Variants in SUPT3H observed in about 807,000 individuals in gnomAD.
SUPT3H encodes SPT3 homolog, SAGA and STAGA complex component, also known as transcription initiation protein SPT3 homolog.
A neutral mutation model predicts 44.3 loss-of-function variants in SUPT3H; 44 were observed. The observed-to-expected ratio is 0.99, with a 90% CI of 0.78 to 1.28. The LOEUF (loss-of-function observed/expected upper bound fraction) is 1.28, where lower values mean the gene tolerates loss of function less well. Among genes scored for constraint, SUPT3H ranks in the 50% most tolerant of loss-of-function variants. The pLI, the probability that SUPT3H is intolerant of heterozygous loss-of-function variation, is 0.00. For missense variants in SUPT3H, 380 were observed against 387.1 expected, an observed-to-expected ratio of 0.98 and a Z score of 0.15; for synonymous variants, 124 against 125.6, an observed-to-expected ratio of 0.99 and a Z score of 0.09.
chr6:44,881,423 CCA>C (rs1156863308), intron 10 of SUPT3H, among the ~76,000 whole-genome samples: 1 of 152,022 alleles, frequency 6.6e-6, no homozygotes, highest in African/African-American at 2.4e-5. Flanking sequence ...ACTTAGACTC[CCA>C]CACAATAATA....
intron 9 of SUPT3H, among the ~76,000 whole-genome samples, chr6:44,951,880 C>T (rs977439668): frequency 1.3e-5 from 2 of 152,162 alleles, no homozygotes; most frequent in African/African-American, 4.8e-5. Flanking sequence ...GGAAAGCATA[C>T]TTATACACAT....
At chr6:44,977,469 A>T (rs1041333) in intron 6 of SUPT3H, among the ~76,000 whole-genome samples, 63,312 of 151,970 alleles carry the variant, frequency 0.42, 13,565 homozygotes, top group East Asian at 0.7. Flanking sequence ...TTTAAAAAAA[A>T]TTTTTGAACT....
chr6:44,992,981 T>C (rs1030189334), intron 6 of SUPT3H, among the ~76,000 whole-genome samples: 2 of 152,000 alleles, frequency 1.3e-5, no homozygotes, highest in African/African-American at 4.8e-5. Context: ...CTGGACAACA[T>C]AGTAAGACCC....
intron 2 of SUPT3H, among the ~76,000 whole-genome samples, chr6:45,349,442 T>G (rs1357970830): frequency 6.6e-6 from 1 of 152,214 alleles, no homozygotes; most frequent in African/African-American, 2.4e-5. Context: ...AGCACTAGTT[T>G]TCCAAGTATG....
At chr6:45,136,909 G>C (rs1804377829) in intron 2 of SUPT3H, among the ~76,000 whole-genome samples, 1 of 151,870 alleles carries the variant, frequency 6.6e-6, no homozygotes, top group East Asian at 1.9e-4. Context: ...CAAATGTAAT[G>C]AAAAACATTA....
intron 3 of SUPT3H, among the ~76,000 whole-genome samples, chr6:45,033,086 A>G (rs903635950): frequency 2.0e-5 from 3 of 152,120 alleles, no homozygotes; most frequent in Non-Finnish European, 4.4e-5. Context: ...CAAAAAAGCA[A>G]ATATAAGAGT....
At chr6:44,817,216 C>A in intron 11 of SUPT3H, among the ~76,000 whole-genome samples, 1 of 148,044 alleles carries the variant, frequency 6.8e-6, no homozygotes. Flanking sequence ...AATCAATCAA[C>A]GTAATCTATC....
chr6:45,087,136 A>G lies in SUPT3H; in HGVS notation c.186+18786T>C, dbSNP rs57175237. On this transcript the variant is annotated intron_variant, in intron 3 of 10. Transcript: ENST00000371459. ...GCATAGCAAATTTTTACTTTTAAGA[A>G]TATATATTTTGAAGAAAATTCTACT... Among the ~76,000 whole-genome samples the G allele has an allele frequency of 7.4e-3, 1,129 of 152,070 alleles. 20 individuals are homozygous for G. Among genetic ancestry groups the G allele is most frequent in the African/African-American group, 0.025 (1,030 of 41,554 alleles).
intron 2 of SUPT3H, among the ~76,000 whole-genome samples, chr6:45,311,445 T>C (rs766761689): frequency 2.0e-5 from 3 of 151,956 alleles, no homozygotes; most frequent in Non-Finnish European, 4.4e-5. Flanking sequence ...GACATCCAAA[T>C]ACAAGAAGCA....
At chr6:45,310,277 C>A (rs113051892) in intron 2 of SUPT3H, among the ~76,000 whole-genome samples, 1 of 152,116 alleles carries the variant, frequency 6.6e-6, no homozygotes, top group Non-Finnish European at 1.5e-5. Context: ...CACAGCAAGA[C>A]GGCCCAAGTA....
intron 2 of SUPT3H, among the ~76,000 whole-genome samples, chr6:45,158,298 A>ATATAATTTTTTT: frequency 2.0e-5 from 2 of 99,694 alleles, no homozygotes; most frequent in Non-Finnish European, 3.5e-5. Context: ...ATATATATAT[A>ATATAATTTTTTT]TTTTTTTTTT....
At chr6:45,074,849 TACAC>T (rs1272177949) in intron 3 of SUPT3H, among the ~76,000 whole-genome samples, 1 of 152,118 alleles carries the variant, frequency 6.6e-6, no homozygotes, top group Non-Finnish European at 1.5e-5. Flanking sequence ...ATATTATACA[TACAC>T]ACATAGATAC....
chr6:45,055,566 T>C (rs1790981800), intron 3 of SUPT3H, among the ~76,000 whole-genome samples: 2 of 151,888 alleles, frequency 1.3e-5, no homozygotes, highest in East Asian at 3.9e-4. Flanking sequence ...AAACATAAAG[T>C]GGGGAAAGGA....
At chr6:45,000,741 C>T (rs1386913872) in intron 6 of SUPT3H, among the ~76,000 whole-genome samples, 1 of 151,986 alleles carries the variant, frequency 6.6e-6, no homozygotes, top group Non-Finnish European at 1.5e-5. Context: ...CACTATTAAG[C>T]CTCTGATATG....
In SUPT3H at chr6:44,881,223, A is replaced by C. The variant is rs1778167610; in HGVS notation, c.913-51366T>G. ...TTACCAAGCAAATGGAAAGCAAAAAAAAGCAGGGGTTGCAATCCTAGTTTG... is the reference window on the plus strand; with the variant it reads ...TTACCAAGCAAATGGAAAGCAAAAACAAGCAGGGGTTGCAATCCTAGTTTG... On this transcript the variant is annotated intron_variant, in intron 10 of 10. Transcript: ENST00000371459. Among the ~76,000 whole-genome samples the C allele has an allele frequency of 1.3e-5, 2 of 152,126 alleles. 1 individual carries two copies. Among genetic ancestry groups the C allele is most frequent in the South Asian group, 4.2e-4 (2 of 4,818 alleles).
intron 2 of SUPT3H, among the ~76,000 whole-genome samples, chr6:45,279,311 C>A (rs1479446080): frequency 6.6e-6 from 1 of 151,930 alleles, no homozygotes; most frequent in Non-Finnish European, 1.5e-5. Flanking sequence ...ATGAGAGAAA[C>A]CATTTAAGTA....
At chr6:45,143,822 G>C (rs1805613284) in intron 2 of SUPT3H, among the ~76,000 whole-genome samples, 1 of 152,040 alleles carries the variant, frequency 6.6e-6, no homozygotes, top group Non-Finnish European at 1.5e-5. Context: ...GAAAAGAAGA[G>C]AGAAGATCCA....
At chr6:45,054,701 T>C (rs116812118) in intron 3 of SUPT3H, among the ~76,000 whole-genome samples, 1,874 of 152,256 alleles carry the variant, frequency 0.012, 49 homozygotes, top group African/African-American at 0.043. Flanking sequence ...AGATTACACA[T>C]GCACCAGGTT....
chr6:45,215,466 T>G (rs967411266), intron 2 of SUPT3H, among the ~76,000 whole-genome samples: 1 of 152,122 alleles, frequency 6.6e-6, no homozygotes, highest in South Asian at 2.1e-4. Flanking sequence ...GTATGTGATC[T>G]ACAAGAAAAA....
Sources: allele counts gnomAD v4.1 joint callset (sites outside exome capture counted in the v4.1 genomes callset), GRCh38; gene constraint gnomAD v4.1.1; transcripts MANE v1.5; gene names NCBI Gene and HGNC (gene_info 2026-07-23, HGNC 2026-07-21).